LOXHD1: variants seen among roughly 807,000 people sequenced by gnomAD.
LOXHD1 encodes the protein lipoxygenase homology domain-containing protein 1.
LOXHD1 carries 205 observed loss-of-function variants against 248.2 expected under a neutral mutation model. The ratio of observed to expected loss-of-function variants is 0.83; its 90% confidence interval spans 0.74 to 0.93. The LOEUF is 0.93. LOXHD1 is among the 40% of genes least tolerant of loss of function. LOXHD1 has a pLI of 0.00. For synonymous variants in LOXHD1, 1,113 were observed against 1,162.8 expected (o/e 0.96, Z 0.87); for missense variants, 2,930 against 2,971.6 (o/e 0.99, Z 0.33).
intron 10 of LOXHD1, among the ~76,000 whole-genome samples, 183 bp from the exon 11 acceptor site, chr18:46,592,767 C>T (rs572135307): frequency 4.4e-4 from 67 of 152,174 alleles, no homozygotes; most frequent in African/African-American, 1.5e-3. Context: ...ACCAGGAGCA[C>T]GTGAGGGCAA....
chr18:46,547,489 G>A (rs553946389), intron 21 of LOXHD1, among the ~76,000 whole-genome samples: 1 of 152,342 alleles, frequency 6.6e-6, no homozygotes, highest in South Asian at 2.1e-4. Context: ...AATGGAATGA[G>A]CCAATTATGT....
Position 46,560,327 on chromosome 18 carries a change from C to A in LOXHD1, c.2817G>T (p.Lys939Asn). Residue 939 changes from lysine (K) to asparagine (N), a missense_variant, in exon 19 of 41, where the codon AAG becomes AAT. By Grantham distance (94) the Lys-to-Asn change is moderately conservative. Coordinates refer to ENST00000642948, the MANE Select transcript of LOXHD1 (RefSeq NM_001384474.1). Reference protein sequence around the residue: ...KERLKAKLQRKKKKRKGSDEE... With the variant: ...KERLKAKLQRNKKKRKGSDEE... ...CGTCGCTGCCCTTCCTCTTCTTCTTCTTCCTCTGCAGCTTGGCCTTCAGCC... is the reference window on the plus strand; with the variant it reads ...CGTCGCTGCCCTTCCTCTTCTTCTTATTCCTCTGCAGCTTGGCCTTCAGCC... 6.4e-7 allele frequency: 1 copy of A among 1,552,108 alleles called. No individual in the cohort carries two copies. The highest frequency in any genetic ancestry group is 8.7e-7 in the Non-Finnish European group (1 of 1,147,206).
chr18:46,510,410 T>A lies in LOXHD1; in HGVS notation c.5400-595A>T, dbSNP rs117961164. On this transcript the variant is annotated intron_variant, in intron 34 of 40. Coordinates refer to ENST00000642948, the MANE Select transcript of LOXHD1 (RefSeq NM_001384474.1). ...AAAGCAGTAGGCAAATAGAAGGTAATGCTGCTTTTGTTGCTATTATTATTT... is the reference window on the plus strand; with the variant it reads ...AAAGCAGTAGGCAAATAGAAGGTAAAGCTGCTTTTGTTGCTATTATTATTT... Among the ~76,000 whole-genome samples, 612 of 152,326 alleles carry A rather than the reference T, an allele frequency of 4.0e-3. 3 individuals are homozygous for A. Among genetic ancestry groups the A allele is most frequent in the Non-Finnish European group, 5.5e-3 (376 of 68,032 alleles).
chr18:46,532,236 AG>A (rs1266870939), intron 28 of LOXHD1, among the ~76,000 whole-genome samples: 1 of 152,256 alleles, frequency 6.6e-6, no homozygotes, highest in Non-Finnish European at 1.5e-5. Flanking sequence ...CATCAGGGGT[AG>A]AAAGTCTGTT....
At position 46,547,256 on chromosome 18, in the gene LOXHD1, G is replaced by A. The variant is rs141334677; in HGVS notation, c.3351-198C>T. Among the ~76,000 whole-genome samples, 6 of 152,262 alleles carry A rather than the reference G, an allele frequency of 3.9e-5. No individual in the cohort carries two copies. The East Asian group carries it at 1.2e-3, about 29-fold the overall frequency. ...TTGCCTGGGGTAGAGAACAAACTTG[G>A]GGACATTGGCTCTAGACACTCCATT... is the stretch of plus-strand genomic sequence containing the variant. On this transcript the variant is annotated intron_variant, in intron 21 of 40. Transcript: ENST00000642948.
At chr18:46,514,850 G>A (rs904609105) in intron 34 of LOXHD1, among the ~76,000 whole-genome samples, 8 of 152,230 alleles carry the variant, frequency 5.3e-5, no homozygotes, top group African/African-American at 1.4e-4. Flanking sequence ...TTTACTTCCC[G>A]CTATAGAAAT....
At chr18:46,523,473 A>T (rs2035678416) in intron 31 of LOXHD1, among the ~76,000 whole-genome samples, 1 of 152,122 alleles carries the variant, frequency 6.6e-6, no homozygotes, top group Non-Finnish European at 1.5e-5. Context: ...CAGGTGGCCT[A>T]CCTTTGGACT....
intron 6 of LOXHD1, among the ~76,000 whole-genome samples, chr18:46,609,216 TC>T (rs1192551448): frequency 6.6e-6 from 1 of 152,186 alleles, no homozygotes; most frequent in Non-Finnish European, 1.5e-5. Flanking sequence ...AGGATGAAAG[TC>T]CCAGTGCTGG....
chr18:46,642,492 T>G (rs997216235), intron 2 of LOXHD1, among the ~76,000 whole-genome samples: 3 of 152,180 alleles, frequency 2.0e-5, no homozygotes. Flanking sequence ...AAAGTTGCAA[T>G]GGCAGCCCCA....
At chr18:46,609,096 C>A (rs1162417079) in intron 6 of LOXHD1, among the ~76,000 whole-genome samples, 1 of 152,164 alleles carries the variant, frequency 6.6e-6, no homozygotes, top group African/African-American at 2.4e-5. Flanking sequence ...TCTTTATGCC[C>A]CTTGTCAAAG....
At position 46,505,979 on chromosome 18, in the gene LOXHD1, T is replaced by G. The variant is rs2143888916; in HGVS notation, c.5737A>C (p.Asn1913His). The change falls in exon 37 of 41, where the codon AAC (asparagine) becomes CAC (histidine). Residue 1913 changes from asparagine to histidine, a missense_variant. Physicochemically the swap from Asn to His is moderately conservative, Grantham distance 68. Transcript: ENST00000642948. ...AGGGCCAGTGTCCCACTATCCCCGT[T>G]CTCCCCGAAGATGATGATGAACACG... ...ANVFIIIFGE[N>H]GDSGTLALKQ... 6.4e-7 allele frequency: 1 copy of G among 1,552,240 alleles called. No homozygotes were observed. The highest frequency in any genetic ancestry group is 8.7e-7 in the Non-Finnish European group (1 of 1,147,100).
chr18:46,649,203 G>C lies in LOXHD1; in HGVS notation c.197C>G (p.Thr66Arg), dbSNP rs199536893. 829 of 1,551,784 alleles carry C rather than the reference G, an allele frequency of 5.3e-4. 1 individual carries two copies. The highest frequency in any genetic ancestry group is 6.6e-4 in the Non-Finnish European group (760 of 1,147,012). Residue 66 changes from threonine to arginine, a missense_variant, in exon 2 of 41, where the codon ACG becomes AGG. Transcript: ENST00000642948. The stretch of plus-strand genomic sequence containing the variant: ...AGAGAGCCCATTCTCTCCAAAAAGC[G>C]TGATGAAGACATTGGCATCCGTCCC... ...GAGTDANVFI[T>R]LFGENGLSPK... is the part of the protein sequence containing the mutation.
At position 46,533,319 on chromosome 18, in the gene LOXHD1, T is replaced by C; in HGVS notation, c.4218A>G (p.Ala1406=). ...GATCGCATGGGAAAGTCAAGGTCTCTGCACCCTGGGGTGAGGCAGAAAAAG... is the reference window on the plus strand; with the variant it reads ...GATCGCATGGGAAAGTCAAGGTCTCCGCACCCTGGGGTGAGGCAGAAAAAG... ...IRRLLPDKDG[A]ETLTFPCDRW... Residue 1406 remains alanine (A), a synonymous_variant, in exon 28 of 41, where the codon GCA becomes GCG. Coordinates refer to ENST00000642948, the MANE Select transcript of LOXHD1 (RefSeq NM_001384474.1). 1 of 1,551,806 alleles carries C rather than the reference T, an allele frequency of 6.4e-7. No individual in the cohort carries two copies. Among genetic ancestry groups the C allele is most frequent in the Non-Finnish European group, 8.7e-7 (1 of 1,146,994 alleles).
intron 8 of LOXHD1, among the ~76,000 whole-genome samples, chr18:46,597,057 A>T (rs1049608027): frequency 6.6e-6 from 1 of 152,156 alleles, no homozygotes; most frequent in Admixed American, 6.5e-5. Context: ...TGAACAAGCA[A>T]CTCTATAAAA....
At chr18:46,598,378 G>A (rs894582525) in intron 8 of LOXHD1, among the ~76,000 whole-genome samples, 19 of 151,950 alleles carry the variant, frequency 1.3e-4, no homozygotes, top group Non-Finnish European at 2.6e-4. Context: ...AATATTAGAA[G>A]CAGCTCCTTT....
intron 14 of LOXHD1, among the ~76,000 whole-genome samples, chr18:46,574,155 A>T (rs937729625): frequency 6.6e-6 from 1 of 151,958 alleles, no homozygotes; most frequent in African/African-American, 2.4e-5. Context: ...ATTCTCCACC[A>T]CTTATCCACC....
At chr18:46,501,165 G>T (rs1283230559) in intron 37 of LOXHD1, among the ~76,000 whole-genome samples, 2 of 152,076 alleles carry the variant, frequency 1.3e-5, no homozygotes, top group African/African-American at 2.4e-5. Context: ...TGTGGATTTG[G>T]CTATTTGCTA....
At chr18:46,604,454 T>C in intron 6 of LOXHD1, among the ~76,000 whole-genome samples, 1 of 152,248 alleles carries the variant, frequency 6.6e-6, no homozygotes, top group Non-Finnish European at 1.5e-5. Context: ...CTTGAATTAC[T>C]GAGCCACCGC....
chr18:46,488,839 G>A, intron 38 of LOXHD1, 133 bp downstream of exon 38: 1 of 967,412 alleles, frequency 1.0e-6, no homozygotes, highest in Non-Finnish European at 1.5e-6. Context: ...ACAGCATTTA[G>A]GATGTTTCCT....
Sources: allele counts gnomAD v4.1 joint callset (sites outside exome capture counted in the v4.1 genomes callset), GRCh38; gene constraint gnomAD v4.1.1; transcripts MANE v1.5; gene names NCBI Gene and HGNC (gene_info 2026-07-23, HGNC 2026-07-21).